The following PLCB1 variants were observed in gnomAD, a reference collection of about 807,000 sequenced individuals.
PLCB1 encodes 1-phosphatidylinositol 4,5-bisphosphate phosphodiesterase beta-1.
Under a neutral mutation model 161.8 loss-of-function variants are expected in PLCB1, and 46 were observed. That is an observed-to-expected ratio of 0.28 (90% CI 0.22 to 0.36). PLCB1 has a LOEUF of 0.36. PLCB1 is among the 10% of genes least tolerant of loss of function. The pLI is 1.00. For missense variants in PLCB1, 1,016 were observed against 1,472.5 expected, an observed-to-expected ratio of 0.69 and a Z score of 5.07; for synonymous variants, 517 against 503.7, an observed-to-expected ratio of 1.03 and a Z score of -0.35.
intron 20 of PLCB1, among the ~76,000 whole-genome samples, chr20:8,738,064 AC>A (rs1017989374): frequency 5.3e-5 from 8 of 152,220 alleles, no homozygotes; most frequent in Non-Finnish European, 1.0e-4. Flanking sequence ...ATAAGATATA[AC>A]TGCATATTTT....
At chr20:8,332,220 T>C (rs918286130) in intron 2 of PLCB1, among the ~76,000 whole-genome samples, 6 of 152,242 alleles carry the variant, frequency 3.9e-5, no homozygotes, top group Non-Finnish European at 8.8e-5. Context: ...TTGGGCTGCT[T>C]TCCAGCAGTG....
chr20:8,775,875 A>G (rs1467846896), intron 27 of PLCB1, among the ~76,000 whole-genome samples: 1 of 152,108 alleles, frequency 6.6e-6, no homozygotes, highest in Non-Finnish European at 1.5e-5. Context: ...GAGGCTCAGG[A>G]TTTACTTTTT....
chr20:8,368,316 T>A (rs1986783956), intron 2 of PLCB1, among the ~76,000 whole-genome samples: 1 of 151,498 alleles, frequency 6.6e-6, no homozygotes, highest in Non-Finnish European at 1.5e-5. Context: ...TCACTTGAGG[T>A]CTGGAGTTTG....
chr20:8,445,833 A>G (rs1274548429), intron 3 of PLCB1, among the ~76,000 whole-genome samples: 1 of 151,976 alleles, frequency 6.6e-6, no homozygotes, highest in African/African-American at 2.4e-5. Context: ...TTCACTCATG[A>G]TTTGGCTCTC....
intron 3 of PLCB1, among the ~76,000 whole-genome samples, chr20:8,570,077 T>C (rs1986458028): frequency 6.6e-6 from 1 of 152,188 alleles, no homozygotes; most frequent in African/African-American, 2.4e-5. Flanking sequence ...CAGGCTGTCC[T>C]CTTGGTTGTC....
chr20:8,192,062 A>G (rs1032621263), intron 2 of PLCB1, among the ~76,000 whole-genome samples: 27 of 152,062 alleles, frequency 1.8e-4, no homozygotes, highest in Admixed American at 3.9e-4. Flanking sequence ...AATATGTCTA[A>G]AGGAGAGAGT....
At chr20:8,734,368 AG>A (rs1316675224) in intron 19 of PLCB1, among the ~76,000 whole-genome samples, 2 of 151,834 alleles carry the variant, frequency 1.3e-5, no homozygotes, top group African/African-American at 4.8e-5. Flanking sequence ...TTTGGTTCTT[AG>A]AAAATTAGAG....
At chr20:8,287,669 T>C (rs1306508249) in intron 2 of PLCB1, among the ~76,000 whole-genome samples, 2 of 152,226 alleles carry the variant, frequency 1.3e-5, no homozygotes, top group African/African-American at 4.8e-5. Flanking sequence ...AGAATCAGCA[T>C]GGACCCTCTT....
intron 20 of PLCB1, among the ~76,000 whole-genome samples, chr20:8,737,671 G>A (rs576785869): frequency 5.4e-4 from 82 of 152,192 alleles, no homozygotes; most frequent in African/African-American, 1.9e-3. Flanking sequence ...ACACTCAACT[G>A]GGCCCTTCTC....
chr20:8,140,956 G>A (rs952435915), intron 1 of PLCB1, among the ~76,000 whole-genome samples: 7 of 151,958 alleles, frequency 4.6e-5, no homozygotes, highest in East Asian at 3.9e-4. Flanking sequence ...GTGCCACCAC[G>A]CACAGCTAAT....
At chr20:8,526,209 T>C (rs1023078335) in intron 3 of PLCB1, among the ~76,000 whole-genome samples, 1 of 152,124 alleles carries the variant, frequency 6.6e-6, no homozygotes, top group Non-Finnish European at 1.5e-5. Context: ...AAGGAATTTA[T>C]ATTTAAAAAA....
intron 3 of PLCB1, chr20:8,625,209 A>G (rs1209486294): frequency 6.6e-6 from 1 of 152,206 alleles, no homozygotes; most frequent in Non-Finnish European, 1.5e-5. Context: ...CCTTCTACCT[A>G]TAAAGTCCTC....
chr20:8,601,667 C>T (rs955735273), intron 3 of PLCB1, among the ~76,000 whole-genome samples: 2 of 152,148 alleles, frequency 1.3e-5, no homozygotes, highest in Non-Finnish European at 2.9e-5. Flanking sequence ...TGACTGCCCC[C>T]ACTAGCATGG....
intron 2 of PLCB1, among the ~76,000 whole-genome samples, chr20:8,170,825 G>A (rs765770011): frequency 8.5e-5 from 13 of 152,144 alleles, no homozygotes; most frequent in Non-Finnish European, 1.8e-4. Context: ...GTTTCTCATA[G>A]GCCAACAATA....
At chr20:8,842,485 TG>T (rs1296401390) in intron 31 of PLCB1, among the ~76,000 whole-genome samples, 10 of 152,230 alleles carry the variant, frequency 6.6e-5, no homozygotes, top group Non-Finnish European at 1.3e-4. Context: ...ATGTGGATTC[TG>T]TACGTAATAG....
chr20:8,444,741 C>G (rs1413587480), intron 3 of PLCB1, among the ~76,000 whole-genome samples: 1 of 152,234 alleles, frequency 6.6e-6, no homozygotes, highest in Non-Finnish European at 1.5e-5. Flanking sequence ...GATCACCATT[C>G]TAACTAGTGT....
rs181093202 is a variant in PLCB1 at position 8,319,352 on chromosome 20, A to G, written c.178-52030A>G. The stretch of plus-strand genomic sequence containing the variant: ...TGGCTCACTCATATGTCTGGCGAGT[A>G]GCTGACTTCTGTGATGGGGTGACTG... On this transcript the variant is annotated intron_variant, in intron 2 of 31. Coordinates refer to ENST00000338037, the MANE Select transcript of PLCB1 (RefSeq NM_015192.4). Among the ~76,000 whole-genome samples, 214 of 152,210 alleles carry G rather than the reference A, an allele frequency of 1.4e-3. 1 individual carries two copies. Among genetic ancestry groups the G allele is most frequent in the African/African-American group, 4.9e-3 (205 of 41,544 alleles).
chr20:8,753,109 A>C (rs1480305781), intron 23 of PLCB1, among the ~76,000 whole-genome samples: 1 of 152,066 alleles, frequency 6.6e-6, no homozygotes, highest in Non-Finnish European at 1.5e-5. Flanking sequence ...TGAAAATCTA[A>C]TGCATGATGA....
In PLCB1 at chr20:8,243,561, A is replaced by G. The variant is rs537351100; in HGVS notation, c.177+93190A>G. Among the ~76,000 whole-genome samples, 3 of 152,080 alleles carry G rather than the reference A, an allele frequency of 2.0e-5. No homozygotes were observed. In the South Asian group the frequency reaches 6.2e-4, roughly 32 times the overall value. On this transcript the variant is annotated intron_variant, in intron 2 of 31. Transcript: ENST00000338037. ...AATGGTTGTCATCCAATGGATATAA[A>G]TAGAACCTTTAAAGAGACAAGCCAT...
Sources: allele counts gnomAD v4.1 joint callset (sites outside exome capture counted in the v4.1 genomes callset), GRCh38; gene constraint gnomAD v4.1.1; transcripts MANE v1.5; gene names NCBI Gene and HGNC (gene_info 2026-07-23, HGNC 2026-07-21).